Variants in WDR53 observed in about 807,000 individuals in gnomAD.
WDR53 encodes the protein WD repeat domain 53.
WDR53 carries 19 observed loss-of-function variants against 21.3 expected under a neutral mutation model. The ratio of observed to expected loss-of-function variants is 0.89; its 90% CI spans 0.62 to 1.31. The LOEUF (loss-of-function observed/expected upper bound fraction) is 1.31, where lower values mean the gene tolerates loss of function less well. WDR53 is among the 50% of genes most tolerant of loss of function. WDR53 has a pLI of 0.00. For synonymous variants in WDR53, 157 were observed against 163.4 expected (o/e 0.96, Z 0.30); for missense variants, 374 against 423.2 (o/e 0.88, Z 1.02).
intron 2 of WDR53, among the ~76,000 whole-genome samples, chr3:196,562,257 T>C (rs1199922441): frequency 6.6e-6 from 1 of 152,060 alleles, no homozygotes; most frequent in Non-Finnish European, 1.5e-5. Flanking sequence ...GTTTTTGTTG[T>C]TGTTGTTTTG....
At chr3:196,560,414 G>A (rs1409696683) in intron 3 of WDR53, among the ~76,000 whole-genome samples, 2 of 152,032 alleles carry the variant, frequency 1.3e-5, no homozygotes, top group Non-Finnish European at 2.9e-5. Context: ...GCTAATTTTT[G>A]TATTTCTAGT....
At chr3:196,560,819 T>A (rs983310973) in intron 3 of WDR53, among the ~76,000 whole-genome samples, 177 bp downstream of exon 3, 2 of 152,248 alleles carry the variant, frequency 1.3e-5, no homozygotes, top group African/African-American at 4.8e-5. Flanking sequence ...ACTTTGTGAA[T>A]AAATTCTATT....
chr3:196,567,751 T>TTGTGTGTGTGTGTGTGTGTG lies in WDR53; in HGVS notation c.-447-464_-447-445dup, dbSNP rs3080583. On this transcript the variant is annotated intron_variant, in intron 1 of 3. Transcript: ENST00000332629. ...GTATAATCAAATAATGCTGAAATTC[T>TTGTGTGTGTGTGTGTGTGTG]TGTGTGTGTGTGTGTGTGTGTGTGT... is the stretch of plus-strand genomic sequence containing the variant. Among the ~76,000 whole-genome samples, 305 of 143,664 alleles carry TTGTGTGTGTGTGTGTGTGTG rather than the reference T, an allele frequency of 2.1e-3. 3 individuals are homozygous for TTGTGTGTGTGTGTGTGTGTG. Among genetic ancestry groups the TTGTGTGTGTGTGTGTGTGTG allele is most frequent in the African/African-American group, 7.0e-3 (266 of 37,988 alleles). The allele number at this position is 143,664 out of a possible 152,430, so 94.2% of individuals were successfully genotyped here. A position where few individuals can be genotyped will look rare whatever the true frequency, so the allele number is the denominator to read the frequency against.
intron 1 of WDR53, 101 bp from the exon 2 acceptor site, chr3:196,567,408 G>C: frequency 8.4e-6 from 3 of 355,502 alleles, no homozygotes; most frequent in South Asian, 6.4e-5. Flanking sequence ...TCAGAGGGTA[G>C]GGAAGGTAGC....
In WDR53 at chr3:196,567,292, G is replaced by C; in HGVS notation, c.-432C>G. 2.2e-6 allele frequency: 1 copy of C among 455,680 alleles called. No individual in the cohort carries two copies. Among genetic ancestry groups the C allele is most frequent in the South Asian group, 1.6e-5 (1 of 64,470 alleles). The allele number at this position is 455,680 out of a possible 1,614,324, so 28.2% of individuals were successfully genotyped here. A position where few individuals can be genotyped will look rare whatever the true frequency, so the allele number is the denominator to read the frequency against. On this transcript the variant is annotated 5_prime_UTR_variant, in exon 2 of 4. Transcript: ENST00000332629. ...TGGATAGCAACCAAAATGATTGAAG[G>C]GCTGTGGCGCTGGCACTGGTAAGAA...
At chr3:196,567,409 G>A in intron 1 of WDR53, 102 bp from the exon 2 acceptor site, 1 of 355,084 alleles carries the variant, frequency 2.8e-6, no homozygotes, top group South Asian at 2.1e-5. Flanking sequence ...CAGAGGGTAG[G>A]GAAGGTAGCC....
At chr3:196,567,391 C>T (rs1735512005) in intron 1 of WDR53, 84 bp from the exon 2 acceptor site, 2 of 366,644 alleles carry the variant, frequency 5.5e-6, no homozygotes, top group Admixed American at 7.1e-5. Context: ...TAATCAAACA[C>T]CATGAATCAG....
chr3:196,561,280 T>G lies in WDR53; in HGVS notation c.196A>C (p.Lys66Gln). ...GTTTCTCCATGTGAGGCATAGAGCT[T>G]GGTGGGACAGGAGGGAGAAAATAAG... ...SVLFSPSCPT[K>Q]LYASHGETIS... Residue 66 changes from lysine (K) to glutamine (Q), a missense_variant, in exon 3 of 4, where the codon AAG becomes CAG. Physicochemically the swap from Lys to Gln is moderately conservative, Grantham distance 53 (BLOSUM62 1). Coordinates refer to ENST00000332629, the MANE Select transcript of WDR53 (RefSeq NM_182627.3). 1 of 1,614,222 alleles carries G rather than the reference T, an allele frequency of 6.2e-7. No homozygotes were observed.
chr3:196,556,716 G>C (rs1170473795), intron 3 of WDR53, among the ~76,000 whole-genome samples: 1 of 151,300 alleles, frequency 6.6e-6, no homozygotes, highest in Non-Finnish European at 1.5e-5. Flanking sequence ...TCTAGAATCT[G>C]CTAGCTTCAC....
At chr3:196,565,164 A>C in intron 2 of WDR53, among the ~76,000 whole-genome samples, 1 of 150,758 alleles carries the variant, frequency 6.6e-6, no homozygotes, top group Admixed American at 6.6e-5. Context: ...TCATCTTATT[A>C]AACTCTACAC....
intron 2 of WDR53, among the ~76,000 whole-genome samples, chr3:196,563,897 G>A (rs754170776): frequency 1.1e-4 from 17 of 152,068 alleles, no homozygotes; most frequent in Admixed American, 5.2e-4. Flanking sequence ...TCACACATAC[G>A]ATCACTAATT....
intron 3 of WDR53, among the ~76,000 whole-genome samples, chr3:196,555,396 G>A (rs1055847770): frequency 1.3e-5 from 2 of 152,134 alleles, no homozygotes; most frequent in African/African-American, 2.4e-5. Context: ...TCAGTTTCTT[G>A]AGACTTACTT....
In WDR53 at chr3:196,561,244, G is replaced by GT; in HGVS notation, c.231dup (p.Leu78ThrfsTer17). ...GAATCTTTGAGGGACCTGACATCCAGTACACTAATGGTTTCTCCATGTGAG... is the reference window on the plus strand; with the variant it reads ...GAATCTTTGAGGGACCTGACATCCAGTTACACTAATGGTTTCTCCATGTGAG... On this transcript the variant is annotated frameshift_variant, in exon 3 of 4. Transcript: ENST00000332629. LOFTEE classifies it high-confidence loss of function. 6.2e-7 allele frequency: 1 copy of GT among 1,614,198 alleles called. No homozygotes were observed. The highest frequency in any genetic ancestry group is 1.3e-5 in the African/African-American group (1 of 75,046).
At chr3:196,565,914 C>T (rs1735343417) in intron 2 of WDR53, among the ~76,000 whole-genome samples, 1 of 152,206 alleles carries the variant, frequency 6.6e-6, no homozygotes, top group African/African-American at 2.4e-5. Context: ...GAAGTGTCAC[C>T]ATCCCCACAT....
chr3:196,558,232 G>T (rs923872585), intron 3 of WDR53, among the ~76,000 whole-genome samples: 3 of 151,574 alleles, frequency 2.0e-5, no homozygotes, highest in Non-Finnish European at 4.4e-5. Context: ...TTGAGACAGG[G>T]TCTCACTTTG....
At chr3:196,558,021 C>A (rs1308736106) in intron 3 of WDR53, among the ~76,000 whole-genome samples, 1 of 152,078 alleles carries the variant, frequency 6.6e-6, no homozygotes, top group Non-Finnish European at 1.5e-5. Context: ...AAGCGATCCA[C>A]CTGCCATGGC....
At chr3:196,557,784 CT>C (rs199924744) in intron 3 of WDR53, among the ~76,000 whole-genome samples, 149 of 142,542 alleles carry the variant, frequency 1.0e-3, no homozygotes, top group East Asian at 1.8e-3. Context: ...TTTTTCTTTT[CT>C]TTTTTTTTTT....
chr3:196,560,325 C>T (rs1258432241), intron 3 of WDR53, among the ~76,000 whole-genome samples: 1 of 151,896 alleles, frequency 6.6e-6, no homozygotes, highest in African/African-American at 2.4e-5. Flanking sequence ...TCACTGCAAC[C>T]TCCACCTCCT....
intron 3 of WDR53, among the ~76,000 whole-genome samples, chr3:196,559,948 G>A (rs1317960189): frequency 1.3e-5 from 2 of 152,120 alleles, no homozygotes; most frequent in East Asian, 3.8e-4. Context: ...GCATTGGCAA[G>A]AACTAAGTGC....
Sources: allele counts gnomAD v4.1 joint callset (sites outside exome capture counted in the v4.1 genomes callset), GRCh38; gene constraint gnomAD v4.1.1; transcripts MANE v1.5; gene names NCBI Gene and HGNC (gene_info 2026-07-23, HGNC 2026-07-21).